The following SLC24A3 variants were observed in gnomAD, a reference collection of about 807,000 sequenced individuals.
SLC24A3 encodes the protein sodium/potassium/calcium exchanger 3.
A neutral mutation model predicts 75.8 loss-of-function variants in SLC24A3; 28 were observed. That is an observed-to-expected ratio of 0.37 (90% confidence interval 0.27 to 0.51). The LOEUF (loss-of-function observed/expected upper bound fraction) is 0.51. Among genes scored for constraint, SLC24A3 ranks in the 20% least tolerant of loss-of-function variants. SLC24A3 has a pLI of 0.94. For synonymous variants in SLC24A3, 372 were observed against 334.1 expected, an observed-to-expected ratio of 1.11 and a Z score of -1.24; for missense variants, 663 against 847.8, an observed-to-expected ratio of 0.78 and a Z score of 2.71.
intron 2 of SLC24A3, among the ~76,000 whole-genome samples, chr20:19,419,702 G>A (rs533377676): frequency 1.3e-5 from 2 of 152,088 alleles, no homozygotes; most frequent in African/African-American, 4.8e-5. Flanking sequence ...CTGCCTTCCC[G>A]TGGGAGGCAG....
intron 2 of SLC24A3, among the ~76,000 whole-genome samples, chr20:19,423,948 A>G (rs1446738879): frequency 6.6e-6 from 1 of 152,174 alleles, no homozygotes; most frequent in Admixed American, 6.5e-5. Flanking sequence ...AGTTTGTCTC[A>G]CAAAGAGTCT....
At chr20:19,318,144 C>G (rs6081568) in intron 2 of SLC24A3, among the ~76,000 whole-genome samples, 46,199 of 152,146 alleles carry the variant, frequency 0.3, 7,515 homozygotes, top group Middle Eastern at 0.52. Context: ...AGGCACGAGT[C>G]TGCACTGTCT....
chr20:19,326,769 G>A (rs1002970767), intron 2 of SLC24A3, among the ~76,000 whole-genome samples: 1 of 151,896 alleles, frequency 6.6e-6, no homozygotes, highest in South Asian at 2.1e-4. Context: ...TTTTTGTAGC[G>A]ACAAGGTCTC....
intron 6 of SLC24A3, among the ~76,000 whole-genome samples, chr20:19,591,130 G>A (rs1365896179): frequency 6.6e-6 from 1 of 152,080 alleles, no homozygotes; most frequent in African/African-American, 2.4e-5. Flanking sequence ...GTTCTGCTAA[G>A]GCCACCCACC....
At chr20:19,466,500 C>T (rs1462601843) in intron 2 of SLC24A3, among the ~76,000 whole-genome samples, 2 of 152,158 alleles carry the variant, frequency 1.3e-5, no homozygotes, top group Admixed American at 1.3e-4. Context: ...TAAGGGAAGC[C>T]TCTTATGCTT....
At chr20:19,501,350 T>A (rs1334343672) in intron 2 of SLC24A3, among the ~76,000 whole-genome samples, 12 of 152,242 alleles carry the variant, frequency 7.9e-5, no homozygotes, top group Non-Finnish European at 1.2e-4. Flanking sequence ...CTTTATGTAA[T>A]GGCCGGACTT....
chr20:19,219,371 G>C (rs1047429691), intron 1 of SLC24A3, among the ~76,000 whole-genome samples: 35 of 152,292 alleles, frequency 2.3e-4, no homozygotes, highest in Non-Finnish European at 4.3e-4. Flanking sequence ...AAGACACGGG[G>C]ACCTTCACCC....
At chr20:19,362,952 C>A (rs548561829) in intron 2 of SLC24A3, among the ~76,000 whole-genome samples, 6 of 152,280 alleles carry the variant, frequency 3.9e-5, no homozygotes, top group Admixed American at 2.6e-4. Flanking sequence ...ACTTGCTGTG[C>A]CGTTTTCAAA....
intron 6 of SLC24A3, among the ~76,000 whole-genome samples, chr20:19,606,469 G>T (rs995994687): frequency 1.3e-5 from 2 of 152,134 alleles, no homozygotes; most frequent in Non-Finnish European, 2.9e-5. Context: ...CAAAATTTTT[G>T]CAGGGGATTT....
At chr20:19,579,767 T>G (rs1240724281) in intron 3 of SLC24A3, among the ~76,000 whole-genome samples, 1 of 152,100 alleles carries the variant, frequency 6.6e-6, no homozygotes, top group Non-Finnish European at 1.5e-5. Flanking sequence ...CAGGAATCCA[T>G]GACATGTTTC....
chr20:19,714,819 T>A (rs2033027355), intron 15 of SLC24A3, among the ~76,000 whole-genome samples: 1 of 152,194 alleles, frequency 6.6e-6, no homozygotes, highest in South Asian at 2.1e-4. Context: ...TCAAAAGCTT[T>A]GGTTTAACAG....
chr20:19,697,011 AGAGAAAG>A, intron 14 of SLC24A3, 100 bp downstream of exon 14: 2 of 298,456 alleles, frequency 6.7e-6, no homozygotes, highest in Non-Finnish European at 1.3e-5. Flanking sequence ...AGGAGGGAGA[AGAGAAAG>A]GGAGGGAGAA....
chr20:19,615,916 C>A (rs889237996), intron 6 of SLC24A3, among the ~76,000 whole-genome samples: 1 of 152,204 alleles, frequency 6.6e-6, no homozygotes, highest in Admixed American at 6.5e-5. Context: ...GACTGAGCCA[C>A]TACTGGCTTC....
At chr20:19,327,417 T>C (rs1984889785) in intron 2 of SLC24A3, among the ~76,000 whole-genome samples, 1 of 152,220 alleles carries the variant, frequency 6.6e-6, no homozygotes, top group African/African-American at 2.4e-5. Context: ...ACAAATGATT[T>C]GTTAACTTCA....
At chr20:19,668,148 G>A (rs1383136323) in intron 8 of SLC24A3, among the ~76,000 whole-genome samples, 1 of 152,228 alleles carries the variant, frequency 6.6e-6, no homozygotes, top group Non-Finnish European at 1.5e-5. Context: ...CGTGTAACTT[G>A]TTATTACACG....
intron 1 of SLC24A3, among the ~76,000 whole-genome samples, chr20:19,214,774 T>A (rs751077774): frequency 1.3e-4 from 20 of 152,326 alleles, no homozygotes; most frequent in Non-Finnish European, 2.5e-4. Context: ...CAGGTGCCAC[T>A]GACTCAGATT....
chr20:19,307,878 A>G (rs2122256107), intron 2 of SLC24A3, among the ~76,000 whole-genome samples: 1 of 152,338 alleles, frequency 6.6e-6, no homozygotes, highest in South Asian at 2.1e-4. Flanking sequence ...CCACCTTGGG[A>G]CCAACTCTGC....
intron 6 of SLC24A3, among the ~76,000 whole-genome samples, chr20:19,621,712 A>G (rs1414601709): frequency 1.3e-5 from 2 of 152,184 alleles, no homozygotes; most frequent in African/African-American, 4.8e-5. Flanking sequence ...CAGGTATGGC[A>G]GCTCCTGGGT....
intron 2 of SLC24A3, among the ~76,000 whole-genome samples, chr20:19,286,612 C>T (rs1353569189): frequency 1.3e-5 from 2 of 152,128 alleles, no homozygotes; most frequent in South Asian, 2.1e-4. Context: ...ATAGGGCCAC[C>T]CAACACCCGT....
Sources: allele counts gnomAD v4.1 joint callset (sites outside exome capture counted in the v4.1 genomes callset), GRCh38; gene constraint gnomAD v4.1.1; transcripts MANE v1.5; gene names NCBI Gene and HGNC (gene_info 2026-07-23, HGNC 2026-07-21).